Variants in PPRC1 observed in about 807,000 individuals in gnomAD.
The protein encoded by PPRC1 is peroxisome proliferator-activated receptor gamma coactivator-related protein 1.
Under a neutral mutation model 132.5 loss-of-function variants are expected in PPRC1, and 23 were observed. The ratio of observed to expected loss-of-function variants is 0.17; its 90% CI spans 0.12 to 0.25. The LOEUF is 0.25. Ranked by LOEUF, PPRC1 falls within the 10% of genes least tolerant of loss-of-function variation. PPRC1 has a pLI of 1.00. For synonymous variants in PPRC1, 872 were observed against 833.5 expected (o/e 1.05, Z -0.80); for missense variants, 2,006 against 2,089.1 (o/e 0.96, Z 0.78).
At position 102,138,881 on chromosome 10, in the gene PPRC1, G is replaced by C. The variant is rs1279234950; in HGVS notation, c.492G>C (p.Leu164=). Residue 164 remains leucine, a splice_region_variant and synonymous_variant, in exon 4 of 14, where the codon CTG becomes CTC. Transcript: ENST00000278070. Reference sequence around the variant, plus strand: ...TCAGGTCTTTCTTTCCCTCTTAGCTGCACAAGCTGCTTACTCTCTCTCGGA... The same window carrying C: ...TCAGGTCTTTCTTTCCCTCTTAGCTCCACAAGCTGCTTACTCTCTCTCGGA... ...LLVSPREGSS[L]HKLLTLSRTP... The C allele has an allele frequency of 1.2e-6, 2 of 1,613,966 alleles. No individual in the cohort carries two copies. The highest frequency in any genetic ancestry group is 1.7e-6 in the Non-Finnish European group (2 of 1,179,890).
At position 102,145,058 on chromosome 10, in the gene PPRC1, G is replaced by A. The variant is rs768832167; in HGVS notation, c.3647G>A (p.Arg1216Gln). The change falls in exon 8 of 14, where the codon CGG becomes CAG. Residue 1216 changes from arginine to glutamine, a missense_variant. Around this residue, in one of 2 missense-constraint regions of PPRC1, gnomAD observed 1,914 missense variants for 1,917.2 expected, o/e 1.00. Transcript: ENST00000278070. The part of the protein sequence containing the change: ...DIPQEKRPLD[R>Q]LQAPELANVA... ...CCCCAGGAGAAGAGGCCCCTAGACC[G>A]GTTACAAGCCCCAGAACTGGCCAAC... 85 of 1,613,642 alleles carry A rather than the reference G, an allele frequency of 5.3e-5. No individual in the cohort carries two copies. The highest frequency in any genetic ancestry group is 6.7e-5 in the Admixed American group (4 of 59,956).
chr10:102,122,463 T>A, the PPRC1 span, among the ~76,000 whole-genome samples: 2 of 58,302 alleles, frequency 3.4e-5, no homozygotes, highest in African/African-American at 7.0e-5. Context: ...CTTTCTGCCC[T>A]TTTTTTTTTT....
intron 1 of PPRC1, among the ~76,000 whole-genome samples, chr10:102,134,857 G>A (rs1396926321): frequency 6.6e-6 from 1 of 152,206 alleles, no homozygotes; most frequent in East Asian, 1.9e-4. Context: ...CACAGGGAGA[G>A]TCAGGAAGGA....
chr10:102,123,933 C>T, the PPRC1 span, among the ~76,000 whole-genome samples: 4 of 151,094 alleles, frequency 2.6e-5, no homozygotes, highest in Admixed American at 6.6e-5. Flanking sequence ...CTCTGCCTCC[C>T]GGTTTCAAGT....
chr10:102,120,525 T>A, the PPRC1 span: 1 of 300,388 alleles, frequency 3.3e-6, no homozygotes, highest in Non-Finnish European at 4.9e-6. Context: ...ATTAATATGC[T>A]AATTGTCCTG....
rs771144137 is a variant in PPRC1, at chr10:102,141,228, G to A, written c.2720G>A (p.Gly907Glu). ...LQPPSLPLSM[G>E]PVLPDPFTHY... ...CCTCCTAGTCTTCCATTGTCTATGG[G>A]GCCAGTACTACCTGATCCGTTTACT... is the stretch of plus-strand genomic sequence containing the variant. The change falls in exon 5 of 14, where the codon GGG becomes GAG. Residue 907 changes from glycine (G) to glutamate (E), a missense_variant. Gly to Glu is a moderately conservative substitution (Grantham distance 98). Transcript: ENST00000278070. The A allele has an allele frequency of 6.2e-7, 1 of 1,613,822 alleles. No individual in the cohort carries two copies. The highest frequency in any genetic ancestry group is 2.2e-5 in the East Asian group (1 of 44,870).
chr10:102,149,271 C>T lies in PPRC1; in HGVS notation c.4833C>T (p.Pro1611=). Reference sequence around the variant, plus strand: ...AGCTGCGGCAGGCAGATGAGCAGCCCTTTGATCTCTGCTTTGGGGGCCGAA... The same window carrying T: ...AGCTGCGGCAGGCAGATGAGCAGCCTTTTGATCTCTGCTTTGGGGGCCGAA... ...GHKLRQADEQ[P]FDLCFGGRRQ... is the part of the protein sequence containing the mutation. The change falls in exon 13 of 14, where the codon CCC becomes CCT. Residue 1611 remains proline, a synonymous_variant. Coordinates refer to ENST00000278070, the MANE Select transcript of PPRC1 (RefSeq NM_015062.5). The T allele has an allele frequency of 1.2e-6, 2 of 1,612,252 alleles. No homozygotes were observed. The highest frequency in any genetic ancestry group is 1.7e-6 in the Non-Finnish European group (2 of 1,179,044).
the PPRC1 span, among the ~76,000 whole-genome samples, chr10:102,127,059 ATATATATAT>A: frequency 0.019 from 1,538 of 79,918 alleles, 90 homozygotes; most frequent in African/African-American, 0.037. Context: ...ATATATATAT[ATATATATAT>A]AAATTAAAAA....
chr10:102,141,865 G>A lies in PPRC1; in HGVS notation c.3357G>A (p.Lys1119=). 6.2e-7 allele frequency: 1 copy of A among 1,614,104 alleles called. No homozygotes were observed. ...PREKPPLPAT[K]AVPTPRQSTV... is the part of the protein sequence containing the mutation. ...AGAAGCCCCCCTTGCCTGCTACCAA[G>A]GCTGTTCCCACACCAAGGCAGAGCA... Residue 1119 remains lysine, a synonymous_variant, in exon 5 of 14, where the codon AAG becomes AAA. Transcript: ENST00000278070.
chr10:102,123,763 A>G, the PPRC1 span, among the ~76,000 whole-genome samples: 2 of 149,488 alleles, frequency 1.3e-5, no homozygotes, highest in African/African-American at 4.9e-5. Flanking sequence ...GGATCTCCCA[A>G]CCTCAGGTGA....
chr10:102,147,291 G>C lies in PPRC1; in HGVS notation c.4299G>C (p.Gly1433=). The C allele has an allele frequency of 6.2e-7, 1 of 1,612,860 alleles. No homozygotes were observed. ...RGRNSRSVSS[G]SNRTSEASSS... Reference sequence around the variant, plus strand: ...GCAACAGCCGTTCTGTCAGCTCTGGGTCCAACCGGACTAGCGAAGCATCTT... The same window carrying C: ...GCAACAGCCGTTCTGTCAGCTCTGGCTCCAACCGGACTAGCGAAGCATCTT... The change falls in exon 9 of 14, where the codon GGG becomes GGC. Residue 1433 remains glycine (G), a synonymous_variant. Coordinates refer to ENST00000278070, the MANE Select transcript of PPRC1 (RefSeq NM_015062.5).
rs569188006 is a variant in PPRC1 at position 102,144,202 on chromosome 10, A to G, written c.3551-48A>G. 13 of 1,586,108 alleles carry G rather than the reference A, an allele frequency of 8.2e-6. 1 individual carries two copies. In the South Asian group the frequency reaches 9.9e-5, roughly 12 times the overall value. On this transcript the variant is annotated intron_variant, in intron 6 of 13. Transcript: ENST00000278070. ...AAAGCAAGCCCTTCTGTGCCGCCTC[A>G]GTCTAGAACATCTGGTTGGGCTTTT...
At chr10:102,122,048 G>T in the PPRC1 span, among the ~76,000 whole-genome samples, 1 of 152,106 alleles carries the variant, frequency 6.6e-6, no homozygotes, top group Non-Finnish European at 1.5e-5. Context: ...ATGGGGGATA[G>T]GGGAGCTTGT....
chr10:102,139,534 C>T lies in PPRC1; in HGVS notation c.1026C>T (p.Gly342=). Reference sequence around the variant, plus strand: ...CAGATGATTTGACACTGCCTGAGGGCTGCGTAGTGCTGGAGATTGTGGGGC... The same window carrying T: ...CAGATGATTTGACACTGCCTGAGGGTTGCGTAGTGCTGGAGATTGTGGGGC... ...EQPDDLTLPE[G]CVVLEIVGQA... is the part of the protein sequence containing the mutation. The change falls in exon 5 of 14, where the codon GGC becomes GGT. Residue 342 remains glycine (G), a synonymous_variant. Coordinates refer to ENST00000278070, the MANE Select transcript of PPRC1 (RefSeq NM_015062.5). 1 of 1,613,968 alleles carries T rather than the reference C, an allele frequency of 6.2e-7. No homozygotes were observed. Among genetic ancestry groups the T allele is most frequent in the Non-Finnish European group, 8.5e-7 (1 of 1,179,928 alleles).
chr10:102,130,928 C>A (rs530323577), upstream of PPRC1, among the ~76,000 whole-genome samples: 8 of 151,346 alleles, frequency 5.3e-5, no homozygotes, highest in African/African-American at 1.9e-4. Context: ...CGTGGTGGCT[C>A]ACCCCTGTAA....
At position 102,138,711 on chromosome 10, in the gene PPRC1, A is replaced by G; in HGVS notation, c.435A>G (p.Pro145=). The change falls in exon 3 of 14, where the codon CCA becomes CCG. Residue 145 remains proline (P), a synonymous_variant. Coordinates refer to ENST00000278070, the MANE Select transcript of PPRC1 (RefSeq NM_015062.5). ...LDNADSENLS[P]FDSIPDSELL... is the part of the protein sequence containing the mutation. ...ATGCAGATTCTGAGAACCTTTCTCC[A>G]TTTGACAGCATTCCTGATTCGGAGC... 1.9e-6 allele frequency: 3 copies of G among 1,614,182 alleles called. No homozygotes were observed. Among genetic ancestry groups the G allele is most frequent in the South Asian group, 1.1e-5 (1 of 91,084 alleles).
Position 102,146,767 on chromosome 10 carries a change from C to T in PPRC1, c.3775C>T (p.Gln1259Ter). The stretch of plus-strand genomic sequence containing the variant: ...AGCCAAATCTCCTAAGTCCACCGCC[C>T]AGGAGGGAACCCTGAAGCCTGAAGG... ...AKAKSPKSTA[Q>*]EGTLKPEGVT... The change falls in exon 9 of 14, where the codon CAG becomes TAG. Residue 1259 changes from glutamine (Q) to a stop codon, truncating the protein, a stop_gained. Coordinates refer to ENST00000278070, the MANE Select transcript of PPRC1 (RefSeq NM_015062.5). LOFTEE classifies it high-confidence loss of function. 1 of 1,614,130 alleles carries T rather than the reference C, an allele frequency of 6.2e-7. No homozygotes were observed. The highest frequency in any genetic ancestry group is 8.5e-7 in the Non-Finnish European group (1 of 1,180,018).
rs866314392 is a variant in PPRC1 at position 102,133,189 on chromosome 10, G to T, written c.121G>T (p.Gly41Trp). 1 of 1,280,052 alleles carries T rather than the reference G, an allele frequency of 7.8e-7. No homozygotes were observed. The highest frequency in any genetic ancestry group is 2.9e-5 in the East Asian group (1 of 34,208). The allele number at this position is 1,280,052 out of a possible 1,614,324, so 79.3% of individuals were successfully genotyped here. Residue 41 changes from glycine (G) to tryptophan (W), a missense_variant, in exon 1 of 14, where the codon GGG (glycine) becomes TGG (tryptophan). This residue lies in a region of PPRC1 where 1,914 missense variants were observed against 1,917.2 expected (regional missense o/e 1.00). Coordinates refer to ENST00000278070, the MANE Select transcript of PPRC1 (RefSeq NM_015062.5). ...GGGAAGTCGAAGCCAAGCGCCGTAT[G>T]GGACTTTGGGCGCTGTGAGCGGCGG... ...GWGSRSQAPY[G>W]TLGAVSGGEQ...
At chr10:102,130,475 C>G (rs2068523873), upstream of PPRC1, among the ~76,000 whole-genome samples, 1 of 151,202 alleles carries the variant, frequency 6.6e-6, no homozygotes, top group Non-Finnish European at 1.5e-5. Flanking sequence ...GTGGCTCACG[C>G]CCGTAATCCC....
Sources: gnomAD v4.1 joint callset for allele counts (sites outside exome capture counted in the v4.1 genomes callset) on GRCh38, gnomAD v4.1.1 for gene constraint, gnomAD v4.1.1 regional missense constraint, MANE v1.5 for transcripts, NCBI Gene and HGNC (gene_info 2026-07-23, HGNC 2026-07-21) for gene names.